The following DOCK2 variants were observed in gnomAD, a reference collection of about 807,000 sequenced individuals.
DOCK2 encodes the protein dedicator of cytokinesis 2.
In DOCK2, 87 loss-of-function variants were observed where a neutral mutation model predicts 248.9. The ratio of observed to expected loss-of-function variants is 0.35; its 90% CI spans 0.29 to 0.42. DOCK2 has a LOEUF of 0.42. DOCK2 is among the 10% of genes least tolerant of loss of function. The pLI is 1.00. For missense variants in DOCK2, 1,747 were observed against 2,300.2 expected (o/e 0.76, Z 4.92); for synonymous variants, 805 against 821.6 (o/e 0.98, Z 0.35).
chr5:169,730,434 A>G (rs1762710031), intron 22 of DOCK2, among the ~76,000 whole-genome samples: 1 of 152,196 alleles, frequency 6.6e-6, no homozygotes. Context: ...CAGGAGAAAG[A>G]TGAATTTGGA....
At chr5:169,871,790 T>G (rs557418332) in intron 27 of DOCK2, among the ~76,000 whole-genome samples, 27 of 152,270 alleles carry the variant, frequency 1.8e-4, no homozygotes, top group African/African-American at 5.5e-4. Context: ...AGGGCTGGGG[T>G]GCATGGGGGA....
chr5:169,751,217 C>T (rs1200214818), intron 23 of DOCK2, among the ~76,000 whole-genome samples: 2 of 152,160 alleles, frequency 1.3e-5, no homozygotes, highest in African/African-American at 4.8e-5. Context: ...AGTGAGGATT[C>T]AGAAGGCGGG....
chr5:169,826,901 C>T (rs908899203), intron 26 of DOCK2, among the ~76,000 whole-genome samples: 15 of 151,940 alleles, frequency 9.9e-5, no homozygotes, highest in Non-Finnish European at 1.8e-4. Context: ...AGGATCCTTC[C>T]TTTACTATGT....
chr5:169,998,643 A>C (rs1181874177), intron 30 of DOCK2, among the ~76,000 whole-genome samples: 3 of 152,168 alleles, frequency 2.0e-5, no homozygotes, highest in Non-Finnish European at 2.9e-5. Flanking sequence ...TAATAAGGAG[A>C]TAGCATGGTG....
intron 23 of DOCK2, 92 bp downstream of exon 23, chr5:169,747,596 C>G: frequency 1.7e-6 from 2 of 1,160,736 alleles, no homozygotes; most frequent in Non-Finnish European, 2.4e-6. Flanking sequence ...CTTAAATATG[C>G]AAACTTGTAT....
chr5:169,708,408 G>C, intron 15 of DOCK2, 141 bp downstream of exon 15: 1 of 892,534 alleles, frequency 1.1e-6, no homozygotes, highest in Non-Finnish European at 1.7e-6. Context: ...TCATTTTATA[G>C]TTGAGGAAAC....
intron 27 of DOCK2, among the ~76,000 whole-genome samples, chr5:169,858,893 A>G (rs261034): frequency 0.2 from 30,498 of 152,068 alleles, 4,511 homozygotes; most frequent in African/African-American, 0.42. Flanking sequence ...AAGCACCTGT[A>G]ATCCCAGTTA....
intron 44 of DOCK2, among the ~76,000 whole-genome samples, chr5:170,059,771 C>T (rs182831672): frequency 5.3e-5 from 8 of 152,254 alleles, no homozygotes; most frequent in Non-Finnish European, 1.0e-4. Flanking sequence ...TGCAGACACC[C>T]GTAATGTCTA....
At chr5:169,996,481 A>C (rs1286918957) in intron 30 of DOCK2, among the ~76,000 whole-genome samples, 1 of 151,998 alleles carries the variant, frequency 6.6e-6, no homozygotes, top group Non-Finnish European at 1.5e-5. Flanking sequence ...TTACTTTTCT[A>C]TTCTCTGGAA....
intron 25 of DOCK2, among the ~76,000 whole-genome samples, chr5:169,773,447 T>A (rs1021549495): frequency 2.0e-4 from 22 of 111,938 alleles, no homozygotes; most frequent in Non-Finnish European, 4.0e-4. Context: ...CAATAAACTC[T>A]TCGTGTGTGT....
chr5:169,790,626 T>C (rs1218144554), intron 25 of DOCK2, among the ~76,000 whole-genome samples: 1 of 152,232 alleles, frequency 6.6e-6, no homozygotes, highest in Non-Finnish European at 1.5e-5. Context: ...ATTTATAAGT[T>C]AGCAACAGTG....
At chr5:169,866,898 A>G (rs944037209) in intron 27 of DOCK2, among the ~76,000 whole-genome samples, 1 of 152,170 alleles carries the variant, frequency 6.6e-6, no homozygotes, top group Admixed American at 6.5e-5. Context: ...GTGTCTTCCA[A>G]TTCAGTTCCA....
chr5:170,029,903 A>G (rs1158106835), intron 34 of DOCK2, among the ~76,000 whole-genome samples: 1 of 152,196 alleles, frequency 6.6e-6, no homozygotes, highest in Non-Finnish European at 1.5e-5. Context: ...AGGCAGTGCC[A>G]TCTCAGCTGG....
In DOCK2 at chr5:170,079,118, A is replaced by T; in HGVS notation, c.5138A>T (p.Lys1713Ile). 1 of 1,613,902 alleles carries T rather than the reference A, an allele frequency of 6.2e-7. No individual in the cohort carries two copies. Among genetic ancestry groups the T allele is most frequent in the Non-Finnish European group, 8.5e-7 (1 of 1,180,006 alleles). Residue 1713 changes from lysine to isoleucine, a missense_variant, in exon 49 of 52, where the codon AAA (lysine) becomes ATA (isoleucine). This residue lies in a region of DOCK2 where 513 missense variants were observed against 586.1 expected (regional missense o/e 0.88). Coordinates refer to ENST00000520908, the MANE Select transcript of DOCK2 (RefSeq NM_004946.3). ...KRSSVVFADE[K>I]AAAESDLKRL... ...AGCAGCGTAGTTTTTGCGGATGAGA[A>T]AGCAGCTGCAGAGTCGGACCTGAAG...
chr5:169,848,004 G>A (rs143210811), intron 27 of DOCK2, among the ~76,000 whole-genome samples: 56 of 152,244 alleles, frequency 3.7e-4, no homozygotes, highest in African/African-American at 1.2e-3. Context: ...GGAAAAAACC[G>A]TCTTGGAGAG....
chr5:169,982,601 G>T (rs924520514), intron 27 of DOCK2, among the ~76,000 whole-genome samples: 2 of 152,102 alleles, frequency 1.3e-5, no homozygotes, highest in African/African-American at 2.4e-5. Flanking sequence ...CAAGTGGCAG[G>T]CCCCAGGAGG....
chr5:169,789,838 G>A (rs1049739005), intron 25 of DOCK2, among the ~76,000 whole-genome samples: 15 of 152,158 alleles, frequency 9.9e-5, no homozygotes, highest in South Asian at 4.1e-4. Context: ...CCAGGCCAGC[G>A]GATAAATTCT....
At chr5:169,658,167 C>T (rs901105532) in intron 2 of DOCK2, among the ~76,000 whole-genome samples, 1 of 152,072 alleles carries the variant, frequency 6.6e-6, no homozygotes, top group Non-Finnish European at 1.5e-5. Flanking sequence ...CCCTCAATTT[C>T]ACTTGGTTTC....
chr5:169,819,181 A>C (rs910399455), intron 26 of DOCK2, among the ~76,000 whole-genome samples: 1 of 152,196 alleles, frequency 6.6e-6, no homozygotes, highest in East Asian at 1.9e-4. Context: ...CCGTTGGCTC[A>C]TGCCTGTACT....
Sources: allele counts gnomAD v4.1 joint callset (sites outside exome capture counted in the v4.1 genomes callset), GRCh38; gene constraint gnomAD v4.1.1; regional missense constraint gnomAD v4.1.1; transcripts MANE v1.5; gene names NCBI Gene and HGNC (gene_info 2026-07-23, HGNC 2026-07-21).